Variants in HTR2C observed in about 807,000 individuals in gnomAD.
HTR2C encodes the protein 5-hydroxytryptamine receptor 2C.
HTR2C carries 5 observed loss-of-function variants against 21.0 expected under a neutral mutation model. That is an observed-to-expected ratio of 0.24 (90% CI 0.12 to 0.50). The LOEUF is 0.50. Among genes scored for constraint, HTR2C ranks in the 20% least tolerant of loss-of-function variants. HTR2C has a pLI of 0.98. For synonymous variants in HTR2C, 150 were observed against 145.3 expected (o/e 1.03, Z -0.23); for missense variants, 271 against 371.2 (o/e 0.73, Z 2.22).
intron 5 of HTR2C, among the ~76,000 whole-genome samples, chrX:114,874,028 C>CAGTAT (rs199939459): frequency 0.096 from 10,601 of 109,894 alleles, 539 homozygotes; most frequent in Middle Eastern, 0.18. Flanking sequence ...TGAGATTATA[C>CAGTAT]AGTATTTTTC....
Position 114,671,256 on chromosome X carries a change from T to C in HTR2C, c.-79-55602T>C, listed in dbSNP as rs1284324132. On this transcript the variant is annotated intron_variant, in intron 2 of 5. Transcript: ENST00000276198. Reference sequence around the variant, plus strand: ...TTTTTCTACCAAAATTATGGATGACTCTTTACAAATAAATTTCAGCAGTTT... The same window carrying C: ...TTTTTCTACCAAAATTATGGATGACCCTTTACAAATAAATTTCAGCAGTTT... Among the ~76,000 whole-genome samples, 4 of 112,096 alleles carry C rather than the reference T, an allele frequency of 3.6e-5. No homozygotes were observed. In the Admixed American group the frequency reaches 3.8e-4, roughly 11 times the overall value.
At chrX:114,740,179 T>TTA (rs200594709) in intron 4 of HTR2C, among the ~76,000 whole-genome samples, 188 of 106,676 alleles carry the variant, frequency 1.8e-3, no homozygotes, top group African/African-American at 5.0e-3. Flanking sequence ...ATATACACAT[T>TTA]TATATATATA....
chrX:114,895,361 T>C (rs782071722), intron 5 of HTR2C, among the ~76,000 whole-genome samples: 13 of 111,873 alleles, frequency 1.2e-4, no homozygotes, highest in Non-Finnish European at 2.4e-4. Flanking sequence ...ATAGTATTTC[T>C]TTTTAAAAAT....
At chrX:114,865,554 C>A (rs372917959) in intron 5 of HTR2C, among the ~76,000 whole-genome samples, 3 of 111,397 alleles carry the variant, frequency 2.7e-5, no homozygotes, top group Admixed American at 9.6e-5. Context: ...TATAGTCAGG[C>A]TTACAATTCT....
intron 2 of HTR2C, among the ~76,000 whole-genome samples, chrX:114,661,661 G>T (rs1234524215): frequency 5.5e-5 from 6 of 110,038 alleles, no homozygotes; most frequent in African/African-American, 2.0e-4. Flanking sequence ...CTGAGCCACC[G>T]TGCCTGGCCT....
At chrX:114,791,499 C>G (rs1310030927) in intron 4 of HTR2C, among the ~76,000 whole-genome samples, 4 of 111,453 alleles carry the variant, frequency 3.6e-5, no homozygotes, top group African/African-American at 1.3e-4. Flanking sequence ...AATTCTTCCT[C>G]TCTTCTCAGA....
intron 5 of HTR2C, among the ~76,000 whole-genome samples, chrX:114,878,852 G>A (rs1169895990): frequency 3.4e-5 from 3 of 88,255 alleles, no homozygotes; most frequent in Non-Finnish European, 4.6e-5. Flanking sequence ...GATGGTATAT[G>A]ATTTCAATCC....
intron 2 of HTR2C, among the ~76,000 whole-genome samples, chrX:114,701,317 G>C (rs1160049853): frequency 9.0e-6 from 1 of 111,621 alleles, no homozygotes; most frequent in African/African-American, 3.3e-5. Context: ...CCCCCAAGTA[G>C]GGGCAGACTG....
chrX:114,625,339 A>G (rs1929332553), intron 2 of HTR2C, among the ~76,000 whole-genome samples: 1 of 111,588 alleles, frequency 9.0e-6, no homozygotes. Flanking sequence ...AATGGGGCCT[A>G]ATGGGAGGAG....
chrX:114,640,126 T>G (rs1930038394), intron 2 of HTR2C, among the ~76,000 whole-genome samples: 2 of 111,756 alleles, frequency 1.8e-5, no homozygotes, highest in South Asian at 7.3e-4. Context: ...ACTTAATATA[T>G]GAAAGGTATT....
intron 2 of HTR2C, among the ~76,000 whole-genome samples, chrX:114,665,844 T>C (rs1556410828): frequency 5.4e-5 from 6 of 110,886 alleles, no homozygotes; most frequent in Admixed American, 1.9e-4. Flanking sequence ...TGTAACTTTT[T>C]CTGAAACAAA....
intron 2 of HTR2C, among the ~76,000 whole-genome samples, chrX:114,654,953 T>A (rs1930729146): frequency 9.2e-6 from 1 of 109,277 alleles, no homozygotes. Flanking sequence ...AGTAAAAATT[T>A]ATCATTTGGT....
At chrX:114,689,901 G>A (rs1932056929) in intron 2 of HTR2C, among the ~76,000 whole-genome samples, 1 of 111,712 alleles carries the variant, frequency 9.0e-6, no homozygotes, top group Admixed American at 9.6e-5. Flanking sequence ...TGCAGTTATT[G>A]CTGGGATCAT....
At position 114,815,425 on chromosome X, in the gene HTR2C, T is replaced by A. The variant is rs1229109063; in HGVS notation, c.350-32578T>A. Among the ~76,000 whole-genome samples, 3 of 111,280 alleles carry A rather than the reference T, an allele frequency of 2.7e-5. No individual in the cohort carries two copies. The Admixed American group carries it at 2.9e-4, about 11-fold the overall frequency. On this transcript the variant is annotated intron_variant, in intron 4 of 5. Coordinates refer to ENST00000276198, the MANE Select transcript of HTR2C (RefSeq NM_000868.4). The stretch of plus-strand genomic sequence containing the variant: ...GACTGTTCTTAAAATCTTGTGCAAA[T>A]CCTGTAAAACCAAACAGAAAAAAAT...
chrX:114,746,220 C>T (rs1455412790), intron 4 of HTR2C, among the ~76,000 whole-genome samples: 3 of 111,368 alleles, frequency 2.7e-5, no homozygotes, highest in East Asian at 2.8e-4. Flanking sequence ...GAATTCTATA[C>T]AACCTCTCCC....
intron 2 of HTR2C, among the ~76,000 whole-genome samples, chrX:114,665,426 C>G (rs1304349282): frequency 8.9e-6 from 1 of 111,732 alleles, no homozygotes; most frequent in African/African-American, 3.3e-5. Flanking sequence ...ATACAGTTGG[C>G]CCTTGAACAA....
intron 1 of HTR2C, among the ~76,000 whole-genome samples, chrX:114,605,920 G>A (rs1602632004): frequency 9.2e-6 from 1 of 108,446 alleles, no homozygotes; most frequent in East Asian, 2.9e-4. Flanking sequence ...AAGGGATTGG[G>A]GCGCAGAGAA....
chrX:114,902,334 C>A (rs1310409952), intron 5 of HTR2C, among the ~76,000 whole-genome samples: 1 of 111,358 alleles, frequency 9.0e-6, no homozygotes, highest in Non-Finnish European at 1.9e-5. Flanking sequence ...CAGCAGTTCT[C>A]AAGCTCTTTG....
chrX:114,883,079 A>G (rs1375914382), intron 5 of HTR2C, among the ~76,000 whole-genome samples: 1 of 109,456 alleles, frequency 9.1e-6, no homozygotes, highest in African/African-American at 3.3e-5. Flanking sequence ...TCTTTTTTTG[A>G]GTCATTTTTG....
Sources: allele counts gnomAD v4.1 joint callset (sites outside exome capture counted in the v4.1 genomes callset), GRCh38; gene constraint gnomAD v4.1.1; transcripts MANE v1.5; gene names NCBI Gene and HGNC (gene_info 2026-07-23, HGNC 2026-07-21).